Variants in PCDH7 observed in about 807,000 individuals in gnomAD.
PCDH7 encodes the protein protocadherin-7.
Under a neutral mutation model 58.9 loss-of-function variants are expected in PCDH7, and 17 were observed. The ratio of observed to expected loss-of-function variants is 0.29; its 90% CI spans 0.20 to 0.43. PCDH7 has a LOEUF of 0.43. PCDH7 is among the 20% of genes least tolerant of loss of function. PCDH7 has a pLI of 1.00. For missense variants in PCDH7, 1,274 were observed against 1,441.0 expected (o/e 0.88, Z 1.88); for synonymous variants, 664 against 616.4 (o/e 1.08, Z -1.14).
At chr4:31,057,398 A>G (rs912006814) in intron 3 of PCDH7, among the ~76,000 whole-genome samples, 3 of 152,206 alleles carry the variant, frequency 2.0e-5, no homozygotes, top group African/African-American at 4.8e-5. Flanking sequence ...GAGGTGGGTC[A>G]TTGCATGAGT....
intron 1 of PCDH7, among the ~76,000 whole-genome samples, chr4:30,751,805 AT>A (rs1030414169): frequency 6.6e-5 from 10 of 152,064 alleles, no homozygotes; most frequent in African/African-American, 2.4e-4. Context: ...AGGGCTATAC[AT>A]TTTTTCCAGT....
intron 1 of PCDH7, among the ~76,000 whole-genome samples, chr4:30,791,065 C>CA (rs1382460538): frequency 1.3e-5 from 2 of 152,050 alleles, no homozygotes; most frequent in Non-Finnish European, 2.9e-5. Context: ...TAATTTGTGT[C>CA]AAAAAACATT....
chr4:31,005,763 G>A (rs1427542341), intron 3 of PCDH7, among the ~76,000 whole-genome samples: 2 of 152,132 alleles, frequency 1.3e-5, no homozygotes, highest in Admixed American at 6.5e-5. Flanking sequence ...GTCACTATTA[G>A]CCATGTACAG....
chr4:30,805,985 G>A (rs541230231), intron 1 of PCDH7, among the ~76,000 whole-genome samples: 1 of 152,122 alleles, frequency 6.6e-6, no homozygotes, highest in Admixed American at 6.5e-5. Flanking sequence ...ATATTGCATT[G>A]TACTTACTAA....
At chr4:31,064,851 A>C (rs1757958797) in intron 3 of PCDH7, among the ~76,000 whole-genome samples, 1 of 151,860 alleles carries the variant, frequency 6.6e-6, no homozygotes, top group African/African-American at 2.4e-5. Context: ...AAGTCAATTC[A>C]GTTCATAACA....
intron 1 of PCDH7, among the ~76,000 whole-genome samples, chr4:30,885,786 G>A (rs1737649849): frequency 6.6e-6 from 1 of 151,950 alleles, no homozygotes; most frequent in African/African-American, 2.4e-5. Context: ...ATAGATCAAT[G>A]GAACAGAACA....
chr4:30,914,775 G>A (rs34280337), intron 1 of PCDH7, among the ~76,000 whole-genome samples: 29,678 of 152,064 alleles, frequency 0.2, 3,624 homozygotes, highest in East Asian at 0.29. Flanking sequence ...AATTCTGAGA[G>A]AATGTAAGTT....
chr4:30,771,051 A>T (rs894416308), intron 1 of PCDH7, among the ~76,000 whole-genome samples: 2 of 152,144 alleles, frequency 1.3e-5, no homozygotes, highest in Non-Finnish European at 2.9e-5. Context: ...CCTAAAACTT[A>T]TTTCTATTGG....
At chr4:30,913,984 C>T (rs1742094053) in intron 1 of PCDH7, among the ~76,000 whole-genome samples, 1 of 152,114 alleles carries the variant, frequency 6.6e-6, no homozygotes, top group Admixed American at 6.6e-5. Flanking sequence ...TAATCGCACA[C>T]CCCTTCCTCT....
chr4:30,989,571 A>T (rs1308634055), intron 3 of PCDH7, among the ~76,000 whole-genome samples: 2 of 152,172 alleles, frequency 1.3e-5, no homozygotes, highest in African/African-American at 4.8e-5. Context: ...GCAGGTACTA[A>T]AAGAATGGGC....
In PCDH7 at chr4:30,834,312, G is replaced by A. The variant is rs80311951; in HGVS notation, c.71-85841G>A. Among the ~76,000 whole-genome samples the A allele has an allele frequency of 1.7e-3, 253 of 152,110 alleles. 4 individuals are homozygous for A. The East Asian group carries it at 0.044, about 26-fold the overall frequency. On this transcript the variant is annotated intron_variant, in intron 1 of 3. Coordinates refer to the PCDH7 transcript ENST00000509759. Reference sequence around the variant, plus strand: ...ACAAAGGGCCCTGCTTTTTCCTTTTGCACGAGGCCTCATAAATTGTATCAT... The same window carrying A: ...ACAAAGGGCCCTGCTTTTTCCTTTTACACGAGGCCTCATAAATTGTATCAT...
intron 3 of PCDH7, among the ~76,000 whole-genome samples, chr4:30,998,462 T>G (rs1752084118): frequency 6.6e-6 from 1 of 152,162 alleles, no homozygotes; most frequent in South Asian, 2.1e-4. Context: ...GAGAATATAA[T>G]GCAGTACATG....
At chr4:30,887,959 T>A (rs11727832) in intron 1 of PCDH7, among the ~76,000 whole-genome samples, 14,128 of 151,816 alleles carry the variant, frequency 0.093, 782 homozygotes, top group Non-Finnish European at 0.12. Flanking sequence ...CACTGCAACC[T>A]CTGCCTCCCG....
Position 30,722,974 on chromosome 4 carries a change from A to G in PCDH7, c.1552A>G (p.Asn518Asp). ...CTCAGGCAGCCCCAGCCTCTCGAGC[A>G]ACAACTCCCTGATTGTCAAGGTGGG... The change falls in exon 1 of 2, where the codon AAC becomes GAC. Residue 518 changes from asparagine to aspartate, a missense_variant. Coordinates refer to ENST00000361762, the Ensembl canonical transcript of PCDH7. The surrounding 1 kb of genome is among the most constrained non-coding windows in gnomAD (Gnocchi z 7.6). 2 of 1,613,768 alleles carry G rather than the reference A, an allele frequency of 1.2e-6. No individual in the cohort carries two copies. The highest frequency in any genetic ancestry group is 1.7e-6 in the Non-Finnish European group (2 of 1,180,032).
chr4:30,893,684 C>T (rs911328620), intron 1 of PCDH7, among the ~76,000 whole-genome samples: 2 of 152,098 alleles, frequency 1.3e-5, no homozygotes, highest in Non-Finnish European at 2.9e-5. Context: ...ACACCTATAA[C>T]TGTGTTTCTA....
intron 3 of PCDH7, among the ~76,000 whole-genome samples, chr4:30,957,891 A>G (rs1459317183): frequency 6.6e-6 from 1 of 152,156 alleles, no homozygotes; most frequent in Non-Finnish European, 1.5e-5. Flanking sequence ...ATATTAAGTT[A>G]GTGGATAATT....
chr4:30,850,105 A>G (rs1732527554), intron 1 of PCDH7, among the ~76,000 whole-genome samples: 1 of 152,130 alleles, frequency 6.6e-6, no homozygotes. Flanking sequence ...CACAGAGACC[A>G]GCTACTGTCT....
At chr4:31,047,989 T>G (rs938506150) in intron 3 of PCDH7, among the ~76,000 whole-genome samples, 8 of 152,064 alleles carry the variant, frequency 5.3e-5, no homozygotes, top group African/African-American at 1.9e-4. Flanking sequence ...ATAATAAATT[T>G]TACCTTATGG....
chr4:31,060,534 C>A (rs904597976), intron 3 of PCDH7, among the ~76,000 whole-genome samples: 9 of 151,604 alleles, frequency 5.9e-5, no homozygotes, highest in African/African-American at 1.9e-4. Flanking sequence ...AAGCTTAATT[C>A]ACCAAATTTT....
Sources: allele counts gnomAD v4.1 joint callset (sites outside exome capture counted in the v4.1 genomes callset), GRCh38; gene constraint gnomAD v4.1.1; non-coding constraint Gnocchi (gnomAD v3.1); transcripts MANE v1.5; gene names NCBI Gene and HGNC (gene_info 2026-07-23, HGNC 2026-07-21).